Variants in NXPE2 observed in about 807,000 individuals in gnomAD.
The protein encoded by NXPE2 is neurexophilin and PC-esterase domain family member 2.
In NXPE2, 34 loss-of-function variants were observed where a neutral mutation model predicts 34.4. The ratio of observed to expected loss-of-function variants is 0.99; its 90% CI spans 0.75 to 1.31. The LOEUF is 1.31. Ranked by LOEUF, NXPE2 falls within the 40% of genes most tolerant of loss-of-function variation. The probability of loss-of-function intolerance (pLI) is 0.00; values close to 1 mark genes in which losing one functional copy is unlikely to be tolerated. For missense variants in NXPE2, 649 were observed against 672.5 expected, an observed-to-expected ratio of 0.97 and a Z score of 0.39; for synonymous variants, 235 against 231.3, an observed-to-expected ratio of 1.02 and a Z score of -0.15.
the NXPE2 span, among the ~76,000 whole-genome samples, chr11:114,549,590 C>T: frequency 3.9e-5 from 6 of 152,100 alleles, no homozygotes; most frequent in Non-Finnish European, 8.8e-5. Context: ...ATTTCCTCTA[C>T]ACATAAAATA....
At chr11:114,695,380 T>G (rs1360936195) in intron 2 of NXPE2, among the ~76,000 whole-genome samples, 1 of 152,144 alleles carries the variant, frequency 6.6e-6, no homozygotes, top group East Asian at 1.9e-4. Flanking sequence ...CACAAGTGCT[T>G]GTCAGCTTCC....
At chr11:114,629,446 A>C in the NXPE2 span, among the ~76,000 whole-genome samples, 3 of 151,800 alleles carry the variant, frequency 2.0e-5, no homozygotes, top group Non-Finnish European at 4.4e-5. Context: ...TAGATGCAGA[A>C]AAGGCCTTTG....
the NXPE2 span, among the ~76,000 whole-genome samples, chr11:114,744,580 G>A: frequency 5.3e-5 from 8 of 152,076 alleles, no homozygotes; most frequent in South Asian, 6.2e-4. Context: ...AGGCTGCGGC[G>A]GGTTGAGTTA....
At chr11:114,736,987 C>T in the NXPE2 span, among the ~76,000 whole-genome samples, 1 of 152,166 alleles carries the variant, frequency 6.6e-6, no homozygotes, top group African/African-American at 2.4e-5. Flanking sequence ...AAGTGATAAC[C>T]TGCCAACCTC....
the NXPE2 span, among the ~76,000 whole-genome samples, chr11:114,510,810 TACAC>T: frequency 1.3e-5 from 2 of 152,210 alleles, no homozygotes; most frequent in African/African-American, 4.8e-5. Flanking sequence ...TAAAGATAAA[TACAC>T]AGAAAACCAA....
the NXPE2 span, among the ~76,000 whole-genome samples, chr11:114,589,685 A>G: frequency 6.6e-6 from 1 of 152,168 alleles, no homozygotes; most frequent in African/African-American, 2.4e-5. Context: ...TGTAACCACT[A>G]TGCCAGTCTG....
chr11:114,532,751 A>G, the NXPE2 span, among the ~76,000 whole-genome samples: 3 of 152,182 alleles, frequency 2.0e-5, no homozygotes, highest in African/African-American at 7.2e-5. Context: ...ATAAAAGTAT[A>G]TAGGTAGATT....
At chr11:114,745,200 T>C in the NXPE2 span, among the ~76,000 whole-genome samples, 1 of 152,162 alleles carries the variant, frequency 6.6e-6, no homozygotes, top group Non-Finnish European at 1.5e-5. Flanking sequence ...GCTGGGTAAT[T>C]TATAAAGAAA....
chr11:114,464,333 AT>A, the NXPE2 span, among the ~76,000 whole-genome samples: 1 of 152,106 alleles, frequency 6.6e-6, no homozygotes, highest in Non-Finnish European at 1.5e-5. Context: ...GACTGAAAAT[AT>A]TTTTTAGAAA....
chr11:114,775,181 T>C, the NXPE2 span, among the ~76,000 whole-genome samples: 302 of 152,306 alleles, frequency 2.0e-3, 2 homozygotes, highest in African/African-American at 7.0e-3. Context: ...GCACCTCTTG[T>C]CGCTGTCTTC....
chr11:114,799,573 C>T, the NXPE2 span, among the ~76,000 whole-genome samples: 1 of 152,178 alleles, frequency 6.6e-6, no homozygotes, highest in Non-Finnish European at 1.5e-5. Context: ...CAGCAGTCAG[C>T]CCGACAAGGA....
At chr11:114,786,102 A>G in the NXPE2 span, among the ~76,000 whole-genome samples, 1 of 152,234 alleles carries the variant, frequency 6.6e-6, no homozygotes, top group Non-Finnish European at 1.5e-5. Context: ...AAGGGAACCT[A>G]TGCTAGTTGA....
chr11:114,763,568 C>G, the NXPE2 span, among the ~76,000 whole-genome samples: 2 of 152,194 alleles, frequency 1.3e-5, no homozygotes, highest in Non-Finnish European at 2.9e-5. Context: ...TCACAAAAGT[C>G]ACATCTGGCT....
At chr11:114,468,742 C>G in the NXPE2 span, among the ~76,000 whole-genome samples, 1 of 152,142 alleles carries the variant, frequency 6.6e-6, no homozygotes, top group Non-Finnish European at 1.5e-5. Flanking sequence ...AGCCCTGCTT[C>G]AAATATTTAA....
the NXPE2 span, among the ~76,000 whole-genome samples, chr11:114,808,728 G>A: frequency 2.6e-5 from 4 of 152,120 alleles, no homozygotes; most frequent in Non-Finnish European, 5.9e-5. Context: ...AAAAGTCCAG[G>A]ACCAGATGGA....
chr11:114,724,286 A>C, the NXPE2 span, among the ~76,000 whole-genome samples: 4 of 152,124 alleles, frequency 2.6e-5, no homozygotes, highest in African/African-American at 9.7e-5. Context: ...GACGTGTTCC[A>C]GTGAGGTTCT....
chr11:114,722,549 G>C, the NXPE2 span, among the ~76,000 whole-genome samples: 1 of 151,946 alleles, frequency 6.6e-6, no homozygotes, highest in African/African-American at 2.4e-5. Context: ...TGTGTACATG[G>C]TGACAAAATG....
At chr11:114,602,566 TATA>T in the NXPE2 span, among the ~76,000 whole-genome samples, 4 of 139,900 alleles carry the variant, frequency 2.9e-5, no homozygotes, top group Non-Finnish European at 4.5e-5. Context: ...TTATATCATT[TATA>T]ATAATTATCT....
the NXPE2 span, among the ~76,000 whole-genome samples, chr11:114,621,748 C>G: frequency 6.6e-6 from 1 of 150,926 alleles, no homozygotes; most frequent in Non-Finnish European, 1.5e-5. Flanking sequence ...CGGTTAACTG[C>G]TAGATAATAG....
Sources: allele counts gnomAD v4.1 joint callset (sites outside exome capture counted in the v4.1 genomes callset), GRCh38; gene constraint gnomAD v4.1.1; transcripts MANE v1.5; gene names NCBI Gene and HGNC (gene_info 2026-07-23, HGNC 2026-07-21).